The following LRRTM4 variants were observed in gnomAD, a reference collection of about 807,000 sequenced individuals.
LRRTM4 encodes leucine-rich repeat transmembrane neuronal protein 4.
A neutral mutation model predicts 47.6 loss-of-function variants in LRRTM4; 25 were observed. The ratio of observed to expected loss-of-function variants is 0.53; its 90% CI spans 0.38 to 0.73. LRRTM4 has a LOEUF of 0.73. Among genes scored for constraint, LRRTM4 ranks in the 30% least tolerant of loss-of-function variants. The probability of loss-of-function intolerance (pLI) is 0.00; values close to 1 mark genes in which losing one functional copy is unlikely to be tolerated. For synonymous variants in LRRTM4, 311 were observed against 269.5 expected (o/e 1.15, Z -1.51); for missense variants, 638 against 713.4 (o/e 0.89, Z 1.20).
In LRRTM4 at chr2:77,478,759, G is replaced by T. The variant is rs1677534136; in HGVS notation, c.1551+39559C>A. ...TCTGGACCTGTAAGTGGTCTTTGATGTGAGGATGGTATCTGCTATAATTGC... is the reference window on the plus strand; with the variant it reads ...TCTGGACCTGTAAGTGGTCTTTGATTTGAGGATGGTATCTGCTATAATTGC... On this transcript the variant is annotated intron_variant, in intron 3 of 3. Transcript: ENST00000409884. 1.3e-5 allele frequency among the ~76,000 whole-genome samples: 2 copies of T among 152,158 alleles called. 1 individual carries two copies. Among genetic ancestry groups the T allele is most frequent in the South Asian group, 4.1e-4 (2 of 4,826 alleles).
At chr2:76,840,338 G>A (rs1371785224) in intron 3 of LRRTM4, among the ~76,000 whole-genome samples, 1 of 152,202 alleles carries the variant, frequency 6.6e-6, no homozygotes, top group African/African-American at 2.4e-5. Context: ...CTCAGGAGCT[G>A]TCTTCTACAA....
intron 3 of LRRTM4, among the ~76,000 whole-genome samples, chr2:77,219,184 G>A (rs1025373625): frequency 2.0e-5 from 3 of 152,158 alleles, no homozygotes; most frequent in Non-Finnish European, 4.4e-5. Flanking sequence ...AGTAGGGGGA[G>A]AGCTTCAACT....
chr2:77,311,441 C>T (rs1351489630), intron 3 of LRRTM4, among the ~76,000 whole-genome samples: 1 of 152,102 alleles, frequency 6.6e-6, no homozygotes, highest in African/African-American at 2.4e-5. Context: ...AGTGGGAACA[C>T]AACATTGAAT....
At chr2:77,067,058 T>C (rs997594591) in intron 3 of LRRTM4, among the ~76,000 whole-genome samples, 3 of 152,340 alleles carry the variant, frequency 2.0e-5, no homozygotes, top group South Asian at 4.1e-4. Flanking sequence ...AATTAAAGTA[T>C]AGCACATTCC....
intron 3 of LRRTM4, among the ~76,000 whole-genome samples, chr2:77,401,617 AT>A (rs1469779981): frequency 6.6e-6 from 1 of 151,982 alleles, no homozygotes; most frequent in Admixed American, 6.6e-5. Flanking sequence ...ATGAATAAAT[AT>A]TTAAATATTG....
chr2:76,804,792 CATT>C (rs1178048289), intron 3 of LRRTM4, among the ~76,000 whole-genome samples: 10 of 149,198 alleles, frequency 6.7e-5, no homozygotes, highest in South Asian at 4.2e-4. Flanking sequence ...ATATATATAT[CATT>C]GTTTTATAAC....
intron 3 of LRRTM4, among the ~76,000 whole-genome samples, chr2:77,234,827 G>A (rs1675060491): frequency 6.6e-6 from 1 of 152,034 alleles, no homozygotes; most frequent in Non-Finnish European, 1.5e-5. Flanking sequence ...TGATTCTGAG[G>A]TTTGGGTTAT....
At chr2:77,019,287 A>C (rs886457204) in intron 3 of LRRTM4, among the ~76,000 whole-genome samples, 14 of 151,422 alleles carry the variant, frequency 9.2e-5, no homozygotes, top group East Asian at 1.9e-4. Context: ...TATAAGAAGA[A>C]GACAGAGTGT....
chr2:76,951,742 G>A (rs1197394838), intron 3 of LRRTM4, among the ~76,000 whole-genome samples: 3 of 151,198 alleles, frequency 2.0e-5, no homozygotes, highest in Non-Finnish European at 3.0e-5. Context: ...TTTAAGCCCC[G>A]CATGCATTAG....
chr2:76,814,218 A>C (rs1670831094), intron 3 of LRRTM4, among the ~76,000 whole-genome samples: 1 of 152,142 alleles, frequency 6.6e-6, no homozygotes, highest in Admixed American at 6.6e-5. Context: ...AATTTGAAAA[A>C]TAGAAAAAAG....
intron 3 of LRRTM4, among the ~76,000 whole-genome samples, chr2:76,942,530 T>C (rs2103864806): frequency 6.6e-6 from 1 of 150,632 alleles, no homozygotes; most frequent in East Asian, 2.0e-4. Flanking sequence ...TTCTCAGAGT[T>C]TCAGCCAGAT....
chr2:76,900,177 T>A (rs1266675378), intron 3 of LRRTM4, among the ~76,000 whole-genome samples: 1 of 152,000 alleles, frequency 6.6e-6, no homozygotes, highest in African/African-American at 2.4e-5. Context: ...CAGATTGCAG[T>A]GAGCCAAGAT....
intron 3 of LRRTM4, among the ~76,000 whole-genome samples, chr2:76,949,375 T>C (rs1225934996): frequency 1.3e-5 from 2 of 151,852 alleles, no homozygotes; most frequent in African/African-American, 4.8e-5. Context: ...GAATTCACAA[T>C]AAAGGAGATG....
intron 3 of LRRTM4, among the ~76,000 whole-genome samples, chr2:77,246,457 A>C (rs1380615035): frequency 6.6e-6 from 1 of 152,202 alleles, no homozygotes; most frequent in Non-Finnish European, 1.5e-5. Flanking sequence ...GCACATGTGA[A>C]TATTAACATT....
chr2:77,295,734 C>T (rs959056488), intron 3 of LRRTM4, among the ~76,000 whole-genome samples: 2 of 152,164 alleles, frequency 1.3e-5, no homozygotes, highest in Non-Finnish European at 2.9e-5. Flanking sequence ...CGTTGACTTT[C>T]ACGTTGTCTT....
intron 3 of LRRTM4, among the ~76,000 whole-genome samples, chr2:76,988,700 A>G (rs1676894564): frequency 6.6e-6 from 1 of 151,738 alleles, no homozygotes; most frequent in South Asian, 2.1e-4. Context: ...CTTATTAAAT[A>G]TTTCTGTTCT....
intron 3 of LRRTM4, among the ~76,000 whole-genome samples, chr2:77,095,444 C>G (rs1031694022): frequency 6.6e-6 from 1 of 151,830 alleles, no homozygotes; most frequent in Non-Finnish European, 1.5e-5. Flanking sequence ...AAAGAGATAT[C>G]TGCACTCCCA....
intron 3 of LRRTM4, among the ~76,000 whole-genome samples, chr2:77,368,661 G>A (rs929840228): frequency 6.6e-6 from 1 of 151,652 alleles, no homozygotes; most frequent in African/African-American, 2.4e-5. Flanking sequence ...GTTTATGCTG[G>A]AATCTGAAAA....
At chr2:77,103,918 A>G (rs564824128) in intron 3 of LRRTM4, among the ~76,000 whole-genome samples, 1 of 152,238 alleles carries the variant, frequency 6.6e-6, no homozygotes, top group East Asian at 1.9e-4. Context: ...ATGAAGACAA[A>G]GAGAAATAAT....
Sources: gnomAD v4.1 joint callset for allele counts (sites outside exome capture counted in the v4.1 genomes callset) on GRCh38, gnomAD v4.1.1 for gene constraint, MANE v1.5 for transcripts, NCBI Gene and HGNC (gene_info 2026-07-23, HGNC 2026-07-21) for gene names.